Variants in CACNB2 observed in about 807,000 individuals in gnomAD.
CACNB2 encodes calcium voltage-gated channel auxiliary subunit beta 2.
A neutral mutation model predicts 73.3 loss-of-function variants in CACNB2; 42 were observed. The ratio of observed to expected loss-of-function variants is 0.57; its 90% CI spans 0.45 to 0.74. The LOEUF is 0.74. CACNB2 is among the 30% of genes least tolerant of loss of function. CACNB2 has a pLI of 0.00. For missense variants in CACNB2, 940 were observed against 853.0 expected (o/e 1.10, Z -1.27); for synonymous variants, 348 against 310.3 (o/e 1.12, Z -1.28).
intron 2 of CACNB2, among the ~76,000 whole-genome samples, chr10:18,358,981 G>C (rs1336921390): frequency 1.3e-5 from 2 of 152,078 alleles, no homozygotes; most frequent in Non-Finnish European, 2.9e-5. Flanking sequence ...TTATGTAGCA[G>C]TTTCCTGGGA....
intron 3 of CACNB2, among the ~76,000 whole-genome samples, chr10:18,466,414 A>G (rs1282498193): frequency 6.6e-6 from 1 of 151,742 alleles, no homozygotes; most frequent in Non-Finnish European, 1.5e-5. Context: ...TAAATTTTTT[A>G]CAGAGACGAG....
intron 2 of CACNB2, among the ~76,000 whole-genome samples, chr10:18,187,296 G>T (rs1028576623): frequency 6.6e-6 from 1 of 152,162 alleles, no homozygotes; most frequent in African/African-American, 2.4e-5. Flanking sequence ...ATTGGAATTT[G>T]ATATTCTTCT....
At chr10:18,488,436 C>G (rs1363005794) in intron 3 of CACNB2, among the ~76,000 whole-genome samples, 1 of 135,336 alleles carries the variant, frequency 7.4e-6, no homozygotes, top group African/African-American at 2.8e-5. Flanking sequence ...AATCACACCA[C>G]TGCACTCCGG....
chr10:18,409,622 G>A (rs1388888445), intron 3 of CACNB2, among the ~76,000 whole-genome samples: 1 of 152,228 alleles, frequency 6.6e-6, no homozygotes, highest in Non-Finnish European at 1.5e-5. Context: ...TTAAGAGGAA[G>A]ACATTGTAAA....
At chr10:18,226,157 G>C (rs1169083054) in intron 2 of CACNB2, among the ~76,000 whole-genome samples, 1 of 151,936 alleles carries the variant, frequency 6.6e-6, no homozygotes, top group African/African-American at 2.4e-5. Context: ...CTCCCTGGTA[G>C]CTGGGACTAC....
intron 2 of CACNB2, among the ~76,000 whole-genome samples, chr10:18,226,784 T>C (rs1054429678): frequency 6.6e-6 from 1 of 152,174 alleles, no homozygotes; most frequent in African/African-American, 2.4e-5. Flanking sequence ...CCAGGAAATA[T>C]CAAACCACCC....
intron 2 of CACNB2, among the ~76,000 whole-genome samples, chr10:18,265,154 T>C (rs1040307938): frequency 2.0e-5 from 3 of 149,602 alleles, no homozygotes; most frequent in East Asian, 2.0e-4. Flanking sequence ...ATCTTCTTTT[T>C]TTTTTTTTTT....
chr10:18,534,007 G>GA lies in CACNB2; in HGVS notation c.1055-66dup, dbSNP rs1326610632. ...CTGACCTACTCACCTTTCTGTTGAA[G>GA]AAACAGTATACCATTTTACTTTATC... On this transcript the variant is annotated intron_variant, in intron 10 of 13. Transcript: ENST00000324631. 2.0e-6 allele frequency: 3 copies of GA among 1,489,688 alleles called. No homozygotes were observed. In the African/African-American group the frequency reaches 4.1e-5, roughly 21 times the overall value. 92.3% of individuals were successfully genotyped at this position (1,489,688 alleles called of 1,614,324 possible). A position where few individuals can be genotyped will look rare whatever the true frequency, so the allele number is the denominator to read the frequency against.
chr10:18,477,914 G>C (rs921250824), intron 3 of CACNB2, among the ~76,000 whole-genome samples: 3 of 152,100 alleles, frequency 2.0e-5, no homozygotes, highest in African/African-American at 7.2e-5. Context: ...TTTTGGCAGA[G>C]TGAATTGGGG....
intron 2 of CACNB2, among the ~76,000 whole-genome samples, chr10:18,274,493 G>T (rs2038192806): frequency 6.6e-6 from 1 of 152,176 alleles, no homozygotes; most frequent in African/African-American, 2.4e-5. Context: ...CTCTAAGCAA[G>T]GTTTGCCTAT....
chr10:18,242,591 C>T (rs2036698166), intron 2 of CACNB2, among the ~76,000 whole-genome samples: 1 of 152,078 alleles, frequency 6.6e-6, no homozygotes, highest in African/African-American at 2.4e-5. Context: ...ATCACATAAA[C>T]AGTTTCTACA....
intron 2 of CACNB2, among the ~76,000 whole-genome samples, chr10:18,389,058 A>G (rs1484712144): frequency 2.0e-5 from 3 of 152,230 alleles, no homozygotes; most frequent in Non-Finnish European, 4.4e-5. Flanking sequence ...ATTCACAAAC[A>G]TAGGAACATT....
In CACNB2 at chr10:18,440,395, C is replaced by T. The variant is rs140279629; in HGVS notation, c.333+38352C>T. Among the ~76,000 whole-genome samples, 963 of 152,212 alleles carry T rather than the reference C, an allele frequency of 6.3e-3. 13 individuals are homozygous for T. Among genetic ancestry groups the T allele is most frequent in the African/African-American group, 0.022 (909 of 41,528 alleles). On this transcript the variant is annotated intron_variant, in intron 3 of 13. Transcript: ENST00000324631. ...ATAAAAATGGCTTCTGTGGGCCAAG[C>T]GCAGTGGCTCACACCAGTAATCCCA... is the stretch of plus-strand genomic sequence containing the variant.
intron 9 of CACNB2, among the ~76,000 whole-genome samples, chr10:18,525,640 G>T (rs543348710): frequency 6.6e-6 from 1 of 151,652 alleles, no homozygotes; most frequent in Non-Finnish European, 1.5e-5. Flanking sequence ...CCCGTGTGCC[G>T]GACCCTTTCA....
At chr10:18,369,887 A>G (rs1004520875) in intron 2 of CACNB2, among the ~76,000 whole-genome samples, 1 of 152,228 alleles carries the variant, frequency 6.6e-6, no homozygotes, top group Non-Finnish European at 1.5e-5. Context: ...ACCCTTGGCA[A>G]CAGAGCAAGA....
chr10:18,235,330 T>G (rs1305266938), intron 2 of CACNB2, among the ~76,000 whole-genome samples: 1 of 149,724 alleles, frequency 6.7e-6, no homozygotes, highest in Admixed American at 6.6e-5. Flanking sequence ...CAGCAGTGCA[T>G]GCTTGTAGTC....
At chr10:18,417,759 C>A (rs1320986208) in intron 3 of CACNB2, among the ~76,000 whole-genome samples, 1 of 151,904 alleles carries the variant, frequency 6.6e-6, no homozygotes, top group Non-Finnish European at 1.5e-5. Context: ...TTTGAATATG[C>A]CTTTTCCTGT....
chr10:18,349,745 T>C (rs1405465878), intron 2 of CACNB2, among the ~76,000 whole-genome samples: 1 of 151,004 alleles, frequency 6.6e-6, no homozygotes, highest in South Asian at 2.1e-4. Context: ...AAAAAGATCC[T>C]GGAGACAGAA....
chr10:18,231,572 T>C (rs563710693), intron 2 of CACNB2, among the ~76,000 whole-genome samples: 1 of 152,348 alleles, frequency 6.6e-6, no homozygotes. Flanking sequence ...TGGCTTATTG[T>C]TATCACCTGT....
Sources: allele counts gnomAD v4.1 joint callset (sites outside exome capture counted in the v4.1 genomes callset), GRCh38; gene constraint gnomAD v4.1.1; transcripts MANE v1.5; gene names NCBI Gene and HGNC (gene_info 2026-07-23, HGNC 2026-07-21).